The following NRXN3 variants were observed in gnomAD, a reference collection of about 807,000 sequenced individuals.
NRXN3 encodes the protein neurexin III.
In NRXN3, 32 loss-of-function variants were observed where a neutral mutation model predicts 137.6. The observed-to-expected ratio is 0.23, with a 90% confidence interval of 0.18 to 0.31. NRXN3 has a LOEUF of 0.31. Among genes scored for constraint, NRXN3 ranks in the 10% least tolerant of loss-of-function variants. NRXN3 has a pLI of 1.00. For missense variants in NRXN3, 1,574 were observed against 2,062.5 expected (o/e 0.76, Z 4.59); for synonymous variants, 798 against 784.5 (o/e 1.02, Z -0.29).
chr14:78,923,531 T>C (rs181113744), intron 10 of NRXN3, among the ~76,000 whole-genome samples: 1 of 152,250 alleles, frequency 6.6e-6, no homozygotes, highest in African/African-American at 2.4e-5. Context: ...ATGTGCTATT[T>C]TGTATATTAG....
chr14:79,351,269 T>C (rs1198758917), intron 15 of NRXN3, among the ~76,000 whole-genome samples: 5 of 152,196 alleles, frequency 3.3e-5, no homozygotes, highest in Admixed American at 3.3e-4. Context: ...CAGAAAGAAA[T>C]GATACTCATG....
At chr14:79,259,383 G>C (rs2077223180) in intron 15 of NRXN3, among the ~76,000 whole-genome samples, 1 of 151,706 alleles carries the variant, frequency 6.6e-6, no homozygotes, top group Non-Finnish European at 1.5e-5. Flanking sequence ...GAAAACTTCT[G>C]ACTTTCCAAT....
At chr14:79,128,661 G>A (rs996467838) in intron 15 of NRXN3, among the ~76,000 whole-genome samples, 23 of 152,156 alleles carry the variant, frequency 1.5e-4, no homozygotes, top group African/African-American at 4.6e-4. Flanking sequence ...GTCTCTGCTG[G>A]GCTTTGGTAT....
intron 4 of NRXN3, among the ~76,000 whole-genome samples, chr14:78,457,747 G>A (rs1598919498): frequency 6.6e-6 from 1 of 152,144 alleles, no homozygotes; most frequent in East Asian, 1.9e-4. Context: ...ATCTGTATAT[G>A]TGCATACACA....
In NRXN3 at chr14:79,454,107, C is replaced by G. The variant is rs577928621; in HGVS notation, c.3263-13114C>G. Among the ~76,000 whole-genome samples the G allele has an allele frequency of 4.0e-5, 6 of 151,464 alleles. No homozygotes were observed. The South Asian group carries it at 1.3e-3, about 32-fold the overall frequency. Reference sequence around the variant, plus strand: ...TGGAACTTTGTTTTTTTTTTTAAGACAGAGTCTCGCTCTGTCACCAGGCTG... The same window carrying G: ...TGGAACTTTGTTTTTTTTTTTAAGAGAGAGTCTCGCTCTGTCACCAGGCTG... On this transcript the variant is annotated intron_variant, in intron 15 of 20. Transcript: ENST00000335750.
At chr14:78,209,930 G>T (rs2062582283) in intron 1 of NRXN3, among the ~76,000 whole-genome samples, 1 of 152,034 alleles carries the variant, frequency 6.6e-6, no homozygotes, top group Admixed American at 6.6e-5. Flanking sequence ...TTATGTGTTT[G>T]TTTATTATCT....
intron 4 of NRXN3, among the ~76,000 whole-genome samples, chr14:78,449,634 C>T (rs1294522186): frequency 6.6e-6 from 1 of 152,228 alleles, no homozygotes; most frequent in Non-Finnish European, 1.5e-5. Flanking sequence ...ATTTGACCCT[C>T]ACAGCAGCTA....
At chr14:79,497,493 C>T (rs2096778703) in intron 16 of NRXN3, among the ~76,000 whole-genome samples, 1 of 152,074 alleles carries the variant, frequency 6.6e-6, no homozygotes, top group Admixed American at 6.6e-5. Flanking sequence ...TCTTCCTTAT[C>T]CCACCTCCCT....
At chr14:79,574,205 A>C (rs1429574508) in intron 16 of NRXN3, among the ~76,000 whole-genome samples, 1 of 150,940 alleles carries the variant, frequency 6.6e-6, no homozygotes, top group Non-Finnish European at 1.5e-5. Flanking sequence ...TCTTCCTCCA[A>C]ATATGCGTGC....
intron 15 of NRXN3, among the ~76,000 whole-genome samples, chr14:79,430,662 T>C (rs572457076): frequency 2.3e-4 from 35 of 152,358 alleles, no homozygotes; most frequent in African/African-American, 8.2e-4. Context: ...TTCTGTTGTC[T>C]GGAGAATTTT....
intron 15 of NRXN3, among the ~76,000 whole-genome samples, chr14:79,009,011 C>A (rs773388591): frequency 6.6e-6 from 1 of 151,914 alleles, no homozygotes; most frequent in African/African-American, 2.4e-5. Flanking sequence ...TGATGTTTGC[C>A]GGGAAGAGAT....
intron 15 of NRXN3, among the ~76,000 whole-genome samples, chr14:79,054,337 G>C (rs2099650745): frequency 1.3e-5 from 2 of 152,162 alleles, no homozygotes; most frequent in African/African-American, 4.8e-5. Flanking sequence ...AGTGGCTCTT[G>C]CAGTTGTTCA....
intron 4 of NRXN3, among the ~76,000 whole-genome samples, chr14:78,606,530 A>G (rs558584262): frequency 1.3e-5 from 2 of 152,330 alleles, no homozygotes; most frequent in East Asian, 3.9e-4. Context: ...AGCACATTGT[A>G]TTTAAATAAA....
At chr14:78,677,687 G>T (rs1004630894) in intron 6 of NRXN3, among the ~76,000 whole-genome samples, 1 of 152,172 alleles carries the variant, frequency 6.6e-6, no homozygotes, top group Non-Finnish European at 1.5e-5. Context: ...AAGTTCAGCT[G>T]AAGGTAAAAT....
chr14:78,713,430 T>G (rs556566574), intron 7 of NRXN3, among the ~76,000 whole-genome samples: 1 of 152,324 alleles, frequency 6.6e-6, no homozygotes, highest in African/African-American at 2.4e-5. Flanking sequence ...GGTTTCAGCT[T>G]CACTTTTACC....
intron 15 of NRXN3, among the ~76,000 whole-genome samples, chr14:79,255,507 A>G (rs938465347): frequency 5.9e-5 from 9 of 152,218 alleles, no homozygotes. Context: ...ACCTTTCTAA[A>G]CCACAGTTTT....
chr14:79,801,189 C>T (rs2099178658), intron 19 of NRXN3, among the ~76,000 whole-genome samples: 1 of 152,176 alleles, frequency 6.6e-6, no homozygotes, highest in African/African-American at 2.4e-5. Flanking sequence ...AAGGAAGGAA[C>T]TGAATTCATA....
At chr14:78,700,569 G>C (rs974410959) in intron 6 of NRXN3, among the ~76,000 whole-genome samples, 1 of 152,098 alleles carries the variant, frequency 6.6e-6, no homozygotes, top group African/African-American at 2.4e-5. Context: ...TTCTATCTCG[G>C]AGAACTACAC....
At chr14:79,554,080 T>C (rs1008772532) in intron 16 of NRXN3, among the ~76,000 whole-genome samples, 4 of 152,072 alleles carry the variant, frequency 2.6e-5, no homozygotes, top group Admixed American at 6.6e-5. Flanking sequence ...ACCAATTTTG[T>C]TGGGAAAAGG....
Sources: allele counts gnomAD v4.1 joint callset (sites outside exome capture counted in the v4.1 genomes callset), GRCh38; gene constraint gnomAD v4.1.1; transcripts MANE v1.5; gene names NCBI Gene and HGNC (gene_info 2026-07-23, HGNC 2026-07-21).